Variants in CFAP77 observed in about 807,000 individuals in gnomAD.
The protein encoded by CFAP77 is cilia- and flagella-associated protein 77.
Under a neutral mutation model 31.1 loss-of-function variants are expected in CFAP77, and 25 were observed. The observed-to-expected ratio is 0.80, with a 90% CI of 0.59 to 1.12. The LOEUF (loss-of-function observed/expected upper bound fraction) is 1.12. CFAP77 is among the 50% of genes most tolerant of loss of function. The probability of loss-of-function intolerance (pLI) is 0.00; values close to 1 mark genes in which losing one functional copy is unlikely to be tolerated. For missense variants in CFAP77, 377 were observed against 397.3 expected, an observed-to-expected ratio of 0.95 and a Z score of 0.44; for synonymous variants, 151 against 159.9, an observed-to-expected ratio of 0.94 and a Z score of 0.42.
At chr9:132,433,351 A>G (rs1278522262) in intron 1 of CFAP77, among the ~76,000 whole-genome samples, 1 of 152,014 alleles carries the variant, frequency 6.6e-6, no homozygotes, top group African/African-American at 2.4e-5. Flanking sequence ...CTAGCCTTTG[A>G]TGGCCCTTCT....
intron 1 of CFAP77, among the ~76,000 whole-genome samples, chr9:132,465,399 T>G (rs548945403): frequency 1.0e-3 from 156 of 152,292 alleles, no homozygotes; most frequent in Non-Finnish European, 1.9e-3. Flanking sequence ...AAGGTTGTGT[T>G]GGGGGAACAG....
chr9:132,418,071 CT>C (rs1850138035), intron 1 of CFAP77, among the ~76,000 whole-genome samples: 1 of 152,212 alleles, frequency 6.6e-6, no homozygotes, highest in African/African-American at 2.4e-5. Context: ...AGTCTGGGTA[CT>C]AAGACCTACC....
At position 132,497,174 on chromosome 9, in the gene CFAP77, C is replaced by A. The variant is rs1851758184; in HGVS notation, c.196-1521C>A. Among the ~76,000 whole-genome samples the A allele has an allele frequency of 6.6e-6, 1 of 151,834 alleles. No individual in the cohort carries two copies. Among genetic ancestry groups the A allele is most frequent in the Admixed American group, 6.6e-5 (1 of 15,246 alleles). ...CTGTGGGGGAGCCTGGGAGGCAAAG[C>A]TGCAGGGCTGGGTGGGGTTGGAGGG... On this transcript the variant is annotated intron_variant, in intron 1 of 5. Transcript: ENST00000393216. The surrounding 1 kb of genome is among the most constrained non-coding windows in gnomAD (Gnocchi z 4.9).
intron 1 of CFAP77, among the ~76,000 whole-genome samples, chr9:132,489,283 TCTC>T (rs1851615594): frequency 6.6e-6 from 1 of 152,162 alleles, no homozygotes; most frequent in South Asian, 2.1e-4. Context: ...AGGGGTCTCT[TCTC>T]TTTTTGAGCC....
At position 132,539,785 on chromosome 9, in the gene CFAP77, C is replaced by G. The variant is rs117249784; in HGVS notation, c.630+2079C>G. Among the ~76,000 whole-genome samples the G allele has an allele frequency of 0.011, 1,662 of 152,276 alleles. 18 individuals carry two copies. The highest frequency in any genetic ancestry group is 0.02 in the Admixed American group (312 of 15,292). ...CTTGTAATAACATTTTAAGAGCAACCCACGACTAGTTTATTCGTTAATGGC... is the reference window on the plus strand; with the variant it reads ...CTTGTAATAACATTTTAAGAGCAACGCACGACTAGTTTATTCGTTAATGGC... On this transcript the variant is annotated intron_variant, in intron 4 of 5. Coordinates refer to ENST00000393216, the MANE Select transcript of CFAP77 (RefSeq NM_001282957.2). This position sits in a 1 kb window ranked among gnomAD's most constrained non-coding sequence, Gnocchi z 4.3.
intron 1 of CFAP77, among the ~76,000 whole-genome samples, chr9:132,430,800 A>T (rs10901176): frequency 0.11 from 17,345 of 152,122 alleles, 1,343 homozygotes; most frequent in East Asian, 0.25. Flanking sequence ...TATACTCCAG[A>T]TAAAACGTAA....
chr9:132,453,358 C>T (rs1850860872), intron 1 of CFAP77, among the ~76,000 whole-genome samples: 1 of 149,164 alleles, frequency 6.7e-6, no homozygotes, highest in Admixed American at 6.6e-5. Flanking sequence ...AACTCCGTCT[C>T]TGCTAAAATA....
intron 3 of CFAP77, among the ~76,000 whole-genome samples, chr9:132,534,610 C>CAAAAAAAAAAAAA (rs201151199): frequency 1.6e-5 from 1 of 64,116 alleles, no homozygotes. Context: ...GACTCTGTCT[C>CAAAAAAAAAAAAA]AAAAAAAAAA....
intron 1 of CFAP77, among the ~76,000 whole-genome samples, chr9:132,459,918 TTGTA>T (rs1322229925): frequency 6.7e-6 from 1 of 150,318 alleles, no homozygotes; most frequent in Admixed American, 6.6e-5. Context: ...GAGTGTGAGT[TTGTA>T]TGAGTGTGTG....
intron 1 of CFAP77, among the ~76,000 whole-genome samples, chr9:132,473,550 T>C (rs1443722413): frequency 1.3e-5 from 2 of 152,194 alleles, no homozygotes; most frequent in African/African-American, 4.8e-5. Context: ...GATACCTTCC[T>C]GTCTGTGGAG....
intron 1 of CFAP77, among the ~76,000 whole-genome samples, chr9:132,461,983 T>A (rs540455088): frequency 6.6e-6 from 1 of 152,356 alleles, no homozygotes; most frequent in East Asian, 1.9e-4. Context: ...CAGAGAGGAC[T>A]CTGTGGTCCC....
chr9:132,432,272 A>C (rs1850423314), intron 1 of CFAP77, among the ~76,000 whole-genome samples: 2 of 152,148 alleles, frequency 1.3e-5, no homozygotes, highest in South Asian at 4.1e-4. Context: ...TGTGGAAGAA[A>C]TGTGTCGTTT....
At position 132,572,639 on chromosome 9, in the gene CFAP77, A is replaced by T; in HGVS notation, c.*129A>T. On this transcript the variant is annotated 3_prime_UTR_variant, in exon 6 of 6. Coordinates refer to ENST00000393216, the MANE Select transcript of CFAP77 (RefSeq NM_001282957.2). ...GTTCTGCTTCAAGGAGCTCAGATTC[A>T]AGTCTTAGGCTAATTGTTTTTGGTA... 1 of 953,842 alleles carries T rather than the reference A, an allele frequency of 1.0e-6. No individual in the cohort carries two copies. Among genetic ancestry groups the T allele is most frequent in the Non-Finnish European group, 1.5e-6 (1 of 655,932 alleles). 59.1% of individuals were successfully genotyped at this position (953,842 alleles called of 1,614,324 possible). A position where few individuals can be genotyped will look rare whatever the true frequency, so the allele number is the denominator to read the frequency against.
chr9:132,425,899 G>A (rs1254927114), intron 1 of CFAP77, among the ~76,000 whole-genome samples: 2 of 152,102 alleles, frequency 1.3e-5, no homozygotes, highest in South Asian at 2.1e-4. Flanking sequence ...TCACTCAGAC[G>A]GCCCTCTCCC....
intron 1 of CFAP77, among the ~76,000 whole-genome samples, chr9:132,438,541 A>ATAT: frequency 9.2e-6 from 1 of 108,128 alleles, no homozygotes; most frequent in Non-Finnish European, 1.8e-5. Context: ...ATATATATAT[A>ATAT]TTTTTTTTTT....
chr9:132,531,606 C>T (rs1335871671), intron 3 of CFAP77, among the ~76,000 whole-genome samples: 1 of 129,046 alleles, frequency 7.7e-6, no homozygotes, highest in Non-Finnish European at 1.6e-5. Context: ...GGCAATGAGT[C>T]TGGGCTTAGG....
At chr9:132,568,552 G>A (rs948528519) in intron 5 of CFAP77, among the ~76,000 whole-genome samples, 14 of 101,416 alleles carry the variant, frequency 1.4e-4, no homozygotes, top group African/African-American at 6.0e-4. Flanking sequence ...GTGAAACTCC[G>A]CCTCAAAAAA....
intron 5 of CFAP77, among the ~76,000 whole-genome samples, chr9:132,567,291 G>T (rs1829896312): frequency 6.6e-6 from 1 of 152,194 alleles, no homozygotes; most frequent in African/African-American, 2.4e-5. Flanking sequence ...AAGTGCAAGG[G>T]GTGTGTGCTT....
chr9:132,531,629 G>T (rs60161803), intron 3 of CFAP77, among the ~76,000 whole-genome samples: 3,254 of 149,072 alleles, frequency 0.022, 271 homozygotes, highest in African/African-American at 0.076. Context: ...AAGACATGGG[G>T]GGGGGGGCAT....
Sources: gnomAD v4.1 joint callset for allele counts (sites outside exome capture counted in the v4.1 genomes callset) on GRCh38, gnomAD v4.1.1 for gene constraint, Gnocchi (gnomAD v3.1) non-coding constraint, MANE v1.5 for transcripts, NCBI Gene and HGNC (gene_info 2026-07-23, HGNC 2026-07-21) for gene names.